Variants in RBFOX1 observed in about 807,000 individuals in gnomAD.
The protein encoded by RBFOX1 is RNA binding fox-1 homolog 1, also known as RNA binding protein fox-1 homolog 1.
A neutral mutation model predicts 57.7 loss-of-function variants in RBFOX1; 8 were observed. The ratio of observed to expected loss-of-function variants is 0.14; its 90% confidence interval spans 0.08 to 0.25. The LOEUF (loss-of-function observed/expected upper bound fraction) is 0.25. Ranked by LOEUF, RBFOX1 falls within the 10% of genes least tolerant of loss-of-function variation. The pLI is 1.00. For missense variants in RBFOX1, 611 were observed against 548.5 expected (o/e 1.11, Z -1.14); for synonymous variants, 326 against 222.4 (o/e 1.47, Z -4.15).
At chr16:7,135,853 G>A (rs2071784304) in intron 4 of RBFOX1, among the ~76,000 whole-genome samples, 1 of 152,146 alleles carries the variant, frequency 6.6e-6, no homozygotes, top group Non-Finnish European at 1.5e-5. Flanking sequence ...AGGTAGTTTG[G>A]ATCTAGAATA....
chr16:5,277,476 T>C lies in RBFOX1; in HGVS notation c.219+37371T>C, dbSNP rs1205809265. Among the ~76,000 whole-genome samples, 5 of 39,820 alleles carry C rather than the reference T, an allele frequency of 1.3e-4. No individual in the cohort carries two copies. The East Asian group carries it at 1.6e-3, about 13-fold the overall frequency. 26.1% of individuals were successfully genotyped at this position (39,820 alleles called of 152,430 possible). On this transcript the variant is annotated intron_variant, in intron 1 of 2. Transcript: ENST00000585867. Reference sequence around the variant, plus strand: ...AAAAAAAGAAATATACAATAAATTGTTAATAGTCACTTTCTATGATATTAA... The same window carrying C: ...AAAAAAAGAAATATACAATAAATTGCTAATAGTCACTTTCTATGATATTAA...
intron 1 of RBFOX1, among the ~76,000 whole-genome samples, chr16:5,391,984 G>A (rs533759662): frequency 6.6e-6 from 1 of 152,002 alleles, no homozygotes; most frequent in African/African-American, 2.4e-5. Context: ...CATTCACAGC[G>A]ACCTGGATGG....
intron 1 of RBFOX1, among the ~76,000 whole-genome samples, chr16:6,223,830 C>G (rs1445344667): frequency 6.6e-6 from 1 of 152,014 alleles, no homozygotes; most frequent in Non-Finnish European, 1.5e-5. Flanking sequence ...TTTTTATGGT[C>G]TTAGGTCTAA....
At chr16:7,520,379 C>T (rs1354947240) in intron 5 of RBFOX1, among the ~76,000 whole-genome samples, 1 of 152,126 alleles carries the variant, frequency 6.6e-6, no homozygotes, top group Non-Finnish European at 1.5e-5. Flanking sequence ...GAGAATGTTC[C>T]TAGCACCCCA....
chr16:6,008,317 C>G (rs1159670910), intron 4 of RBFOX1, among the ~76,000 whole-genome samples: 2 of 150,758 alleles, frequency 1.3e-5, no homozygotes, highest in South Asian at 4.2e-4. Flanking sequence ...TTCCTGAAGC[C>G]ACAGAGAGCT....
chr16:5,562,004 A>C (rs1328686182), intron 2 of RBFOX1, among the ~76,000 whole-genome samples: 1 of 152,122 alleles, frequency 6.6e-6, no homozygotes, highest in African/African-American at 2.4e-5. Flanking sequence ...ATGGTGCTAG[A>C]GGGTGTGAAG....
intron 2 of RBFOX1, among the ~76,000 whole-genome samples, chr16:6,452,488 C>A (rs899483858): frequency 2.0e-5 from 3 of 152,166 alleles, no homozygotes; most frequent in African/African-American, 7.2e-5. Flanking sequence ...GACTCCAGTG[C>A]CATATTTTGT....
intron 2 of RBFOX1, among the ~76,000 whole-genome samples, chr16:5,483,813 C>T (rs192766610): frequency 8.5e-5 from 13 of 152,228 alleles, no homozygotes; most frequent in Middle Eastern, 3.4e-3. Context: ...TTCTCTGTGT[C>T]GGCATTTGTG....
intron 14 of RBFOX1, among the ~76,000 whole-genome samples, chr16:7,677,630 G>C (rs2073735057): frequency 1.3e-5 from 2 of 152,092 alleles, no homozygotes; most frequent in African/African-American, 4.8e-5. Flanking sequence ...GAAAGTGTGT[G>C]TTTTCATATT....
At chr16:5,313,804 G>A (rs943796967) in intron 1 of RBFOX1, among the ~76,000 whole-genome samples, 1 of 152,076 alleles carries the variant, frequency 6.6e-6, no homozygotes, top group African/African-American at 2.4e-5. Flanking sequence ...CCCACAACAC[G>A]TGGGAATGGT....
Position 7,557,634 on chromosome 16 carries a change from AAAAAAAAAGAAAAAG to A in RBFOX1, c.271-22134_271-22120del, listed in dbSNP as rs1246344285. Among the ~76,000 whole-genome samples the A allele has an allele frequency of 1.4e-3, 200 of 140,588 alleles. 4 individuals are homozygous for A. The highest frequency in any genetic ancestry group is 2.2e-3 in the Non-Finnish European group (140 of 63,980). The allele number at this position is 140,588 out of a possible 152,430, so 92.2% of individuals were successfully genotyped here. On this transcript the variant is annotated intron_variant, in intron 5 of 15. Transcript: ENST00000550418. ...GACTCTGTCTCAAAAAAAAAAAAAA[AAAAAAAAAGAAAAAG>A]AAAAAAAAAAAGCATTTTCTTAAAC...
At chr16:5,661,775 C>T (rs1412624294) in intron 3 of RBFOX1, among the ~76,000 whole-genome samples, 1 of 152,052 alleles carries the variant, frequency 6.6e-6, no homozygotes, top group African/African-American at 2.4e-5. Flanking sequence ...CATTGGATTC[C>T]CAAAACTTAG....
At chr16:7,474,451 A>G (rs11077188) in intron 4 of RBFOX1, among the ~76,000 whole-genome samples, 145,915 of 152,256 alleles carry the variant, frequency 0.96, 70,003 homozygotes, top group East Asian at 1. Flanking sequence ...ATTAAGGATA[A>G]CATCTCCACT....
intron 3 of RBFOX1, among the ~76,000 whole-genome samples, chr16:6,684,240 T>C (rs2059099400): frequency 6.6e-6 from 1 of 152,214 alleles, no homozygotes; most frequent in Non-Finnish European, 1.5e-5. Context: ...TTGCTGGTGT[T>C]AGAGGCTAAT....
chr16:6,972,138 A>T (rs2085702164), intron 3 of RBFOX1, among the ~76,000 whole-genome samples: 1 of 152,230 alleles, frequency 6.6e-6, no homozygotes, highest in Non-Finnish European at 1.5e-5. Flanking sequence ...AACCATTTGT[A>T]AGAATATAGT....
intron 2 of RBFOX1, among the ~76,000 whole-genome samples, chr16:5,568,626 A>C (rs1008656726): frequency 6.6e-6 from 1 of 152,096 alleles, no homozygotes; most frequent in African/African-American, 2.4e-5. Context: ...GGGCTGGCAT[A>C]ATTTGATAAA....
At chr16:7,583,792 G>T (rs1257008734) in intron 6 of RBFOX1, among the ~76,000 whole-genome samples, 2 of 151,934 alleles carry the variant, frequency 1.3e-5, no homozygotes, top group African/African-American at 4.8e-5. Context: ...ACCAGCCTGC[G>T]CAACATAGGG....
intron 1 of RBFOX1, among the ~76,000 whole-genome samples, chr16:6,250,942 G>T (rs1442387506): frequency 1.3e-5 from 2 of 151,968 alleles, no homozygotes; most frequent in African/African-American, 4.8e-5. Flanking sequence ...AAAGATACCT[G>T]ATTTTGTTTT....
chr16:6,060,733 G>T (rs547412093), intron 1 of RBFOX1, among the ~76,000 whole-genome samples: 1 of 152,246 alleles, frequency 6.6e-6, no homozygotes, highest in African/African-American at 2.4e-5. Context: ...CAGGATTCAG[G>T]GGCAGAGAGT....
Sources: gnomAD v4.1 joint callset for allele counts (sites outside exome capture counted in the v4.1 genomes callset) on GRCh38, gnomAD v4.1.1 for gene constraint, MANE v1.5 for transcripts, NCBI Gene and HGNC (gene_info 2026-07-23, HGNC 2026-07-21) for gene names.